The following GALNT18 variants were observed in gnomAD, a reference collection of about 807,000 sequenced individuals.
The protein encoded by GALNT18 is GalNAc-transferase 18.
A neutral mutation model predicts 69.5 loss-of-function variants in GALNT18; 44 were observed. That is an observed-to-expected ratio of 0.63 (90% CI 0.50 to 0.81). The LOEUF (loss-of-function observed/expected upper bound fraction) is 0.81. GALNT18 is among the 40% of genes least tolerant of loss of function. The pLI is 0.00. For missense variants in GALNT18, 715 were observed against 810.0 expected (o/e 0.88, Z 1.42); for synonymous variants, 364 against 318.2 (o/e 1.14, Z -1.53).
At chr11:11,593,902 T>G (rs1859424376) in intron 1 of GALNT18, among the ~76,000 whole-genome samples, 1 of 152,260 alleles carries the variant, frequency 6.6e-6, no homozygotes. Flanking sequence ...TCCCCTGCCT[T>G]GCATTTGGCT....
chr11:11,516,466 T>C (rs1223522146), intron 1 of GALNT18, among the ~76,000 whole-genome samples: 1 of 152,100 alleles, frequency 6.6e-6, no homozygotes, highest in African/African-American at 2.4e-5. Flanking sequence ...ACCCCATCTC[T>C]ACTAAAAATG....
In GALNT18 at chr11:11,332,624, C is replaced by T. The variant is rs1850036096; in HGVS notation, c.1416+70G>A. The T allele has an allele frequency of 6.4e-7, 1 of 1,568,622 alleles. No individual in the cohort carries two copies. The highest frequency in any genetic ancestry group is 8.8e-7 in the Non-Finnish European group (1 of 1,142,522). Reference sequence around the variant, plus strand: ...GAGCAGCTGAGAGGCTCTTTCCCTCCTCTCCCTTTCTTCACTATGTTTCTT... The same window carrying T: ...GAGCAGCTGAGAGGCTCTTTCCCTCTTCTCCCTTTCTTCACTATGTTTCTT... On this transcript the variant is annotated intron_variant, in intron 8 of 10. Transcript: ENST00000227756. This position sits in a 1 kb window ranked among gnomAD's most constrained non-coding sequence, Gnocchi z 4.3.
rs960166453 is a variant in GALNT18, at chr11:11,377,878, G to C, written c.780-499C>G. ...GCGATGTTGCCCTGGAATGCCAGCT[G>C]TGCCACATCCACCCCCCAAAGCGTT... On this transcript the variant is annotated intron_variant, in intron 4 of 10. Transcript: ENST00000227756. This position sits in a 1 kb window ranked among gnomAD's most constrained non-coding sequence, Gnocchi z 4.6. Among the ~76,000 whole-genome samples, 1 of 152,140 alleles carries C rather than the reference G, an allele frequency of 6.6e-6. No homozygotes were observed. The highest frequency in any genetic ancestry group is 1.5e-5 in the Non-Finnish European group (1 of 68,036).
At chr11:11,293,455 TTTCTG>T (rs899463463) in intron 9 of GALNT18, among the ~76,000 whole-genome samples, 49 of 152,298 alleles carry the variant, frequency 3.2e-4, no homozygotes, top group African/African-American at 1.1e-3. Flanking sequence ...TATACACTGA[TTTCTG>T]TTCTAATCTT....
At chr11:11,534,995 C>T (rs532367721) in intron 1 of GALNT18, among the ~76,000 whole-genome samples, 2 of 152,232 alleles carry the variant, frequency 1.3e-5, no homozygotes, top group Non-Finnish European at 2.9e-5. Context: ...GTCCTGGCTC[C>T]ACTACTGTCT....
At chr11:11,521,903 G>A (rs1857407379) in intron 1 of GALNT18, among the ~76,000 whole-genome samples, 1 of 152,132 alleles carries the variant, frequency 6.6e-6, no homozygotes. Flanking sequence ...GGCCCTACAG[G>A]GACTTTCTCG....
chr11:11,362,730 T>C (rs564264651), intron 6 of GALNT18, among the ~76,000 whole-genome samples: 1 of 152,292 alleles, frequency 6.6e-6, no homozygotes, highest in East Asian at 1.9e-4. Context: ...TCATTCCTGG[T>C]GGGAAAAATA....
rs1856893748 is a variant in GALNT18 at position 11,497,634 on chromosome 11, C to T, written c.236-48698G>A. On this transcript the variant is annotated intron_variant, in intron 1 of 10. Transcript: ENST00000227756. This position sits in a 1 kb window ranked among gnomAD's most constrained non-coding sequence, Gnocchi z 4.2. ...ATAAGCACCAAACACACAGTATTTCCAGTAACAACTCTCTTATCTAACATG... is the reference window on the plus strand; with the variant it reads ...ATAAGCACCAAACACACAGTATTTCTAGTAACAACTCTCTTATCTAACATG... Among the ~76,000 whole-genome samples, 1 of 152,084 alleles carries T rather than the reference C, an allele frequency of 6.6e-6. No homozygotes were observed. The highest frequency in any genetic ancestry group is 2.1e-4 in the South Asian group (1 of 4,812).
rs61870338 is a variant in GALNT18, at chr11:11,505,151, G to A, written c.236-56215C>T. ...GGGCTTGAAGAATGAGTGGAGTTCA[G>A]TAGATGAACACAGGGAAAGGATGTT... On this transcript the variant is annotated intron_variant, in intron 1 of 10. Transcript: ENST00000227756. The surrounding 1 kb of genome is among the most constrained non-coding windows in gnomAD (Gnocchi z 4.6). 6.6e-6 allele frequency among the ~76,000 whole-genome samples: 1 copy of A among 152,220 alleles called. No homozygotes were observed. Among genetic ancestry groups the A allele is most frequent in the Non-Finnish European group, 1.5e-5 (1 of 68,030 alleles).
intron 10 of GALNT18, among the ~76,000 whole-genome samples, chr11:11,277,865 ACT>A (rs1292378485): frequency 3.9e-5 from 6 of 152,060 alleles, no homozygotes. Context: ...GGTCTGAGAG[ACT>A]GTTTGCTATG....
chr11:11,321,203 C>G (rs189234515), intron 9 of GALNT18, among the ~76,000 whole-genome samples: 1 of 152,288 alleles, frequency 6.6e-6, no homozygotes, highest in East Asian at 1.9e-4. Context: ...GAAGCCCAAT[C>G]CAGCTTTATC....
intron 1 of GALNT18, among the ~76,000 whole-genome samples, chr11:11,450,898 G>C (rs1855779003): frequency 3.3e-5 from 5 of 152,112 alleles, no homozygotes; most frequent in Admixed American, 2.6e-4. Context: ...TTCAGTCCTG[G>C]GAAGGCTCTC....
At position 11,396,447 on chromosome 11, in the gene GALNT18, G is replaced by C. The variant is rs905815795; in HGVS notation, c.596-17183C>G. On this transcript the variant is annotated intron_variant, in intron 3 of 10. Coordinates refer to ENST00000227756, the MANE Select transcript of GALNT18 (RefSeq NM_198516.3). The surrounding 1 kb of genome is among the most constrained non-coding windows in gnomAD (Gnocchi z 5.2). The stretch of plus-strand genomic sequence containing the variant: ...CAGGGATGATGGAGAAAGAATTCAC[G>C]TGTGGGAGGTACCGATGAATCAGAC... 6.6e-6 allele frequency among the ~76,000 whole-genome samples: 1 copy of C among 152,138 alleles called. No homozygotes were observed. Among genetic ancestry groups the C allele is most frequent in the South Asian group, 2.1e-4 (1 of 4,818 alleles).
In GALNT18 at chr11:11,598,753, A is replaced by G. The variant is rs755221389; in HGVS notation, c.235+22606T>C. 5.3e-5 allele frequency among the ~76,000 whole-genome samples: 8 copies of G among 152,348 alleles called. No homozygotes were observed. Among genetic ancestry groups the G allele is most frequent in the East Asian group, 1.9e-4 (1 of 5,186 alleles). ...TATAGTTATACATTTCCCTTTAAATACTACTTTATCTGCATAAGTTTTGTA... is the reference window on the plus strand; with the variant it reads ...TATAGTTATACATTTCCCTTTAAATGCTACTTTATCTGCATAAGTTTTGTA... On this transcript the variant is annotated intron_variant, in intron 1 of 10. Coordinates refer to ENST00000227756, the MANE Select transcript of GALNT18 (RefSeq NM_198516.3). This position sits in a 1 kb window ranked among gnomAD's most constrained non-coding sequence, Gnocchi z 4.8.
intron 1 of GALNT18, among the ~76,000 whole-genome samples, chr11:11,544,238 C>A (rs1340856792): frequency 6.6e-6 from 1 of 152,186 alleles, no homozygotes; most frequent in Non-Finnish European, 1.5e-5. Context: ...GGGACCCAAC[C>A]TTCAGTACAC....
chr11:11,583,858 T>C lies in GALNT18; in HGVS notation c.235+37501A>G, dbSNP rs967526037. On this transcript the variant is annotated intron_variant, in intron 1 of 10. Coordinates refer to ENST00000227756, the MANE Select transcript of GALNT18 (RefSeq NM_198516.3). The surrounding 1 kb of genome is among the most constrained non-coding windows in gnomAD (Gnocchi z 4.7). ...GGAGGGAGAAATAAAGAAATAGCCC[T>C]GTCTGCAAGGAGCAGATGATCTCAA... Among the ~76,000 whole-genome samples the C allele has an allele frequency of 1.3e-5, 2 of 152,142 alleles. No homozygotes were observed. Among genetic ancestry groups the C allele is most frequent in the African/African-American group, 4.8e-5 (2 of 41,428 alleles).
At chr11:11,326,041 CTTTTTT>C (rs34393732) in intron 9 of GALNT18, among the ~76,000 whole-genome samples, 1 of 105,422 alleles carries the variant, frequency 9.5e-6, no homozygotes, top group Non-Finnish European at 1.9e-5. Context: ...TGCTAAATAT[CTTTTTT>C]TTTTTTTTTT....
chr11:11,278,518 AAAGG>A (rs1757885280), intron 10 of GALNT18, among the ~76,000 whole-genome samples: 3 of 152,114 alleles, frequency 2.0e-5, no homozygotes, highest in African/African-American at 7.2e-5. Flanking sequence ...TATAAAAAAA[AAAGG>A]GAGATTGTTA....
chr11:11,560,671 A>G (rs1229127084), intron 1 of GALNT18, among the ~76,000 whole-genome samples: 3 of 152,226 alleles, frequency 2.0e-5, no homozygotes, highest in Non-Finnish European at 4.4e-5. Flanking sequence ...TAAGGAGGGC[A>G]GCTGACCACA....
Sources: allele counts gnomAD v4.1 joint callset (sites outside exome capture counted in the v4.1 genomes callset), GRCh38; gene constraint gnomAD v4.1.1; non-coding constraint Gnocchi (gnomAD v3.1); transcripts MANE v1.5; gene names NCBI Gene and HGNC (gene_info 2026-07-23, HGNC 2026-07-21).